NCOA7: variants seen among roughly 807,000 people sequenced by gnomAD.
NCOA7 encodes the protein 140 kDa estrogen receptor-associated protein.
Under a neutral mutation model 104.3 loss-of-function variants are expected in NCOA7, and 45 were observed. The ratio of observed to expected loss-of-function variants is 0.43; its 90% confidence interval spans 0.34 to 0.55. NCOA7 has a LOEUF of 0.55. Among genes scored for constraint, NCOA7 ranks in the 20% least tolerant of loss-of-function variants. The probability of loss-of-function intolerance (pLI) is 0.02; values close to 1 mark genes in which losing one functional copy is unlikely to be tolerated. For missense variants in NCOA7, 1,041 were observed against 1,119.7 expected, an observed-to-expected ratio of 0.93 and a Z score of 1.00; for synonymous variants, 398 against 402.3, an observed-to-expected ratio of 0.99 and a Z score of 0.13.
chr6:125,877,235 G>A (rs1421964075), intron 4 of NCOA7, among the ~76,000 whole-genome samples: 2 of 152,126 alleles, frequency 1.3e-5, no homozygotes, highest in African/African-American at 2.4e-5. Flanking sequence ...TCATCTAGTA[G>A]TTGGACCTCT....
At chr6:125,860,972 CA>C (rs1477680790) in intron 3 of NCOA7, among the ~76,000 whole-genome samples, 1 of 152,106 alleles carries the variant, frequency 6.6e-6, no homozygotes, top group Non-Finnish European at 1.5e-5. Flanking sequence ...GGTCTTATAA[CA>C]AACATAAAAG....
chr6:125,899,898 G>C (rs921277298), intron 10 of NCOA7: 3 of 499,222 alleles, frequency 6.0e-6, no homozygotes, highest in South Asian at 4.4e-5. Context: ...TTGTAAGTGA[G>C]CTCTTCACAG....
intron 6 of NCOA7, 146 bp downstream of exon 6, chr6:125,881,349 A>G: frequency 1.5e-6 from 1 of 685,580 alleles, no homozygotes; most frequent in South Asian, 1.8e-5. Flanking sequence ...ATCCTCTCCA[A>G]GGGAAACTTA....
At chr6:125,819,014 T>A (rs1048589419) in intron 2 of NCOA7, among the ~76,000 whole-genome samples, 1 of 152,178 alleles carries the variant, frequency 6.6e-6, no homozygotes, top group Non-Finnish European at 1.5e-5. Context: ...AAGGAAGATT[T>A]ACCCTGATGC....
At position 125,890,661 on chromosome 6, in the gene NCOA7, A is replaced by G. The variant is rs1784562291; in HGVS notation, c.1947A>G (p.Glu649=). The G allele has an allele frequency of 1.2e-6, 2 of 1,612,522 alleles. No individual in the cohort carries two copies. The highest frequency in any genetic ancestry group is 4.5e-5 in the East Asian group (2 of 44,796). ...ATTCAGATATACTTCCTTCAAAAGA[A>G]GAAAAAAGCAAGACCCCACCCATGT... is the stretch of plus-strand genomic sequence containing the variant. The part of the protein sequence containing the change: ...VPIEDILPSK[E]EKSKTPPMFL... Residue 649 remains glutamate (E), a synonymous_variant, in exon 10 of 16, where the codon GAA becomes GAG. Transcript: ENST00000392477.
intron 2 of NCOA7, among the ~76,000 whole-genome samples, chr6:125,849,330 A>G (rs1297126804): frequency 1.3e-5 from 2 of 152,216 alleles, no homozygotes; most frequent in Non-Finnish European, 2.9e-5. Context: ...AAAAGCCAAG[A>G]GATTCCAGAA....
At chr6:125,899,217 G>T (rs1393887108) in intron 10 of NCOA7, among the ~76,000 whole-genome samples, 2 of 152,154 alleles carry the variant, frequency 1.3e-5, no homozygotes, top group Non-Finnish European at 2.9e-5. Context: ...ACAGCAAAAT[G>T]CTCTTAACAG....
At chr6:125,784,044 T>G (rs555145489) in intron 1 of NCOA7, among the ~76,000 whole-genome samples, 1 of 152,216 alleles carries the variant, frequency 6.6e-6, no homozygotes, top group South Asian at 2.1e-4. Flanking sequence ...CATTTAATTT[T>G]TATTAACTTG....
chr6:125,919,425 T>C (rs1286212531), intron 11 of NCOA7: 1 of 1,612,536 alleles, frequency 6.2e-7, no homozygotes, highest in East Asian at 2.2e-5. Flanking sequence ...AAGAGCCTTT[T>C]GTGAAGGTAT....
At chr6:125,851,276 C>T (rs577523771) in intron 2 of NCOA7, among the ~76,000 whole-genome samples, 2 of 152,280 alleles carry the variant, frequency 1.3e-5, no homozygotes, top group East Asian at 3.9e-4. Flanking sequence ...CCACCCTCCT[C>T]TGGTCCATTA....
intron 1 of NCOA7, among the ~76,000 whole-genome samples, chr6:125,794,123 A>G (rs575111572): frequency 2.0e-5 from 3 of 152,332 alleles, no homozygotes; most frequent in Admixed American, 6.5e-5. Flanking sequence ...GAGGGATTTT[A>G]TTAATACAGT....
At chr6:125,868,770 T>C (rs1441327788) in intron 3 of NCOA7, among the ~76,000 whole-genome samples, 2 of 152,256 alleles carry the variant, frequency 1.3e-5, no homozygotes, top group Non-Finnish European at 2.9e-5. Flanking sequence ...CAGACAATTT[T>C]TGCCTCTTTG....
chr6:125,855,223 A>C lies in NCOA7; in HGVS notation c.254A>C (p.Lys85Thr). The change falls in exon 3 of 16, where the codon AAG becomes ACG. Residue 85 changes from lysine (K) to threonine (T), a missense_variant. Lys to Thr is a moderately conservative substitution (Grantham distance 78, BLOSUM62 -1). Transcript: ENST00000392477. ...QLKEIRRTELKRYYSIDDNQN... is the reference protein window; with the variant it reads ...QLKEIRRTELTRYYSIDDNQN... ...AAGGAGATCAGGCGTACAGAACTAA[A>C]GAGATATTATAGTATTGGTGAGTAT... 5 of 1,610,508 alleles carry C rather than the reference A, an allele frequency of 3.1e-6. No individual in the cohort carries two copies. The highest frequency in any genetic ancestry group is 4.2e-6 in the Non-Finnish European group (5 of 1,178,460).
chr6:125,829,823 G>T (rs764675720), intron 2 of NCOA7, among the ~76,000 whole-genome samples: 1 of 152,176 alleles, frequency 6.6e-6, no homozygotes, highest in Non-Finnish European at 1.5e-5. Flanking sequence ...GTAATTGAGA[G>T]ATTAGAAAGA....
chr6:125,837,015 G>T (rs1422614308), intron 2 of NCOA7, among the ~76,000 whole-genome samples: 1 of 152,112 alleles, frequency 6.6e-6, no homozygotes, highest in Non-Finnish European at 1.5e-5. Context: ...GTTAGGTCTT[G>T]GGGTAGTTAT....
chr6:125,836,068 T>G (rs1779586416), intron 2 of NCOA7, among the ~76,000 whole-genome samples: 4 of 152,214 alleles, frequency 2.6e-5, no homozygotes, highest in Admixed American at 2.0e-4. Context: ...GTACAAATTC[T>G]TTCATTAGTT....
At chr6:125,920,094 C>T (rs1787439872) in intron 11 of NCOA7, among the ~76,000 whole-genome samples, 1 of 152,096 alleles carries the variant, frequency 6.6e-6, no homozygotes, top group Non-Finnish European at 1.5e-5. Context: ...GTAAAATGAA[C>T]TTTGGTAATT....
At chr6:125,871,741 A>G (rs1782930227) in intron 3 of NCOA7, among the ~76,000 whole-genome samples, 1 of 152,150 alleles carries the variant, frequency 6.6e-6, no homozygotes, top group Non-Finnish European at 1.5e-5. Flanking sequence ...CCCACCTGTA[A>G]TCCCACCACT....
chr6:125,928,856 C>A lies in NCOA7; in HGVS notation c.*85C>A. ...GCTGGCTGGAAAAAGAAGCCCCAGC[C>A]CAGCCTGCCTCATCCCACCCCAATG... On this transcript the variant is annotated 3_prime_UTR_variant, in exon 16 of 16. Coordinates refer to ENST00000392477, the MANE Select transcript of NCOA7 (RefSeq NM_181782.5). 6.9e-7 allele frequency: 1 copy of A among 1,455,212 alleles called. No individual in the cohort carries two copies. Among genetic ancestry groups the A allele is most frequent in the Non-Finnish European group, 9.2e-7 (1 of 1,082,282 alleles). The allele number at this position is 1,455,212 out of a possible 1,614,324, so 90.1% of individuals were successfully genotyped here. A position where few individuals can be genotyped will look rare whatever the true frequency, so the allele number is the denominator to read the frequency against.
Sources: allele counts gnomAD v4.1 joint callset (sites outside exome capture counted in the v4.1 genomes callset), GRCh38; gene constraint gnomAD v4.1.1; transcripts MANE v1.5; gene names NCBI Gene and HGNC (gene_info 2026-07-23, HGNC 2026-07-21).